Variants in WNT9B observed in about 807,000 individuals in gnomAD.
The protein encoded by WNT9B is Wnt family member 9B.
In WNT9B, 12 loss-of-function variants were observed where a neutral mutation model predicts 30.2. That is an observed-to-expected ratio of 0.40 (90% CI 0.26 to 0.64). The LOEUF (loss-of-function observed/expected upper bound fraction) is 0.64, where lower values mean the gene tolerates loss of function less well. WNT9B is among the 30% of genes least tolerant of loss of function. The pLI is 0.42. For missense variants in WNT9B, 442 were observed against 485.2 expected (o/e 0.91, Z 0.84); for synonymous variants, 218 against 216.9 (o/e 1.01, Z -0.05).
At chr17:46,835,875 T>A (rs1481650845) in intron 1 of WNT9B, among the ~76,000 whole-genome samples, 2 of 152,202 alleles carry the variant, frequency 1.3e-5, no homozygotes, top group Non-Finnish European at 2.9e-5. Flanking sequence ...TGAGCTACCT[T>A]CACTAAAGAA....
intron 1 of WNT9B, among the ~76,000 whole-genome samples, chr17:46,854,052 G>C (rs2084899578): frequency 6.6e-6 from 1 of 152,170 alleles, no homozygotes; most frequent in African/African-American, 2.4e-5. Context: ...CAGGAGCCCA[G>C]CTGGAAAGAG....
At chr17:46,873,688 G>A (rs1272340404) in intron 2 of WNT9B, among the ~76,000 whole-genome samples, 4 of 152,036 alleles carry the variant, frequency 2.6e-5, no homozygotes, top group Non-Finnish European at 4.4e-5. Flanking sequence ...ATGAAACCCC[G>A]TCTCTACTAA....
At chr17:46,862,879 C>CCA (rs1191444892) in intron 1 of WNT9B, among the ~76,000 whole-genome samples, 1 of 152,224 alleles carries the variant, frequency 6.6e-6, no homozygotes, top group East Asian at 1.9e-4. Flanking sequence ...CCACTGTGTA[C>CCA]CAGGCCTAAG....
At chr17:46,866,378 G>A (rs570557223) in intron 1 of WNT9B, among the ~76,000 whole-genome samples, 113 of 152,054 alleles carry the variant, frequency 7.4e-4, no homozygotes, top group African/African-American at 2.0e-3. Context: ...GTGTATGTGC[G>A]TGAGAATGTG....
intron 1 of WNT9B, among the ~76,000 whole-genome samples, chr17:46,845,158 CT>C (rs1266408235): frequency 1.3e-5 from 2 of 152,154 alleles, no homozygotes; most frequent in Non-Finnish European, 2.9e-5. Context: ...CTCCTTCCTC[CT>C]TCTTTTGAGC....
downstream of WNT9B, among the ~76,000 whole-genome samples, chr17:46,883,371 G>A (rs559501456): frequency 1.3e-5 from 2 of 148,674 alleles, no homozygotes; most frequent in African/African-American, 5.0e-5. Context: ...TACAACCTCC[G>A]CCTCCCGGGT....
chr17:46,856,193 C>T (rs2084935199), intron 1 of WNT9B, among the ~76,000 whole-genome samples: 4 of 152,208 alleles, frequency 2.6e-5, no homozygotes, highest in Admixed American at 2.6e-4. Context: ...CTGTTGCTAA[C>T]TGTGTGACTT....
chr17:46,862,179 A>G (rs868010297), intron 1 of WNT9B, among the ~76,000 whole-genome samples: 2,708 of 150,308 alleles, frequency 0.018, 82 homozygotes, highest in African/African-American at 0.063. Context: ...AAAAAAAAAA[A>G]GAAAAAGAAA....
intron 1 of WNT9B, among the ~76,000 whole-genome samples, chr17:46,855,329 T>C (rs1416843875): frequency 6.6e-6 from 1 of 152,196 alleles, no homozygotes; most frequent in Non-Finnish European, 1.5e-5. Context: ...CTGTCCTCAG[T>C]AGTGAGACGG....
intron 1 of WNT9B, among the ~76,000 whole-genome samples, chr17:46,871,120 G>A (rs2085237121): frequency 6.6e-6 from 1 of 151,786 alleles, no homozygotes; most frequent in Non-Finnish European, 1.5e-5. Context: ...TGTCACACAG[G>A]CTGCTCTCAA....
At chr17:46,850,506 G>A (rs988623727), upstream of WNT9B, among the ~76,000 whole-genome samples, 5 of 152,252 alleles carry the variant, frequency 3.3e-5, no homozygotes, top group Admixed American at 6.5e-5. Context: ...AGCCAAGGTC[G>A]CAGTCACTTG....
intron 2 of WNT9B, among the ~76,000 whole-genome samples, chr17:46,873,160 A>G (rs975439690): frequency 6.6e-6 from 1 of 151,480 alleles, no homozygotes; most frequent in African/African-American, 2.4e-5. Context: ...AGACGTGAGG[A>G]TGGGCGGCAG....
chr17:46,849,281 A>T (rs756487562), upstream of WNT9B, among the ~76,000 whole-genome samples: 20 of 152,238 alleles, frequency 1.3e-4, no homozygotes, highest in African/African-American at 4.6e-4. Flanking sequence ...AGGCTTACCC[A>T]TCAGACATCA....
upstream of WNT9B, among the ~76,000 whole-genome samples, chr17:46,849,848 TC>T (rs1477408079): frequency 7.2e-6 from 1 of 137,960 alleles, no homozygotes; most frequent in Non-Finnish European, 1.5e-5. Flanking sequence ...GCATTTAATA[TC>T]TTTTTTTTTT....
Position 46,875,171 on chromosome 17 carries a change from C to A in WNT9B, c.405C>A (p.Cys135Ter). The A allele has an allele frequency of 6.2e-7, 1 of 1,614,032 alleles. No individual in the cohort carries two copies. The highest frequency in any genetic ancestry group is 1.1e-5 in the South Asian group (1 of 91,076). The change falls in exon 3 of 4, where the codon TGC becomes TGA. Residue 135 changes from cysteine to a stop codon, truncating the protein, a stop_gained. Transcript: ENST00000290015. LOFTEE classifies it high-confidence loss of function. ...TCACCCACACCCTGGCCCGGGCCTG[C>A]AGCGCTGGGCGCATGGAGCGCTGCA... is the stretch of plus-strand genomic sequence containing the variant. The part of the protein sequence containing the change: ...AALTHTLARA[C>*]SAGRMERCTC...
At chr17:46,835,305 G>A (rs946321646) in intron 1 of WNT9B, among the ~76,000 whole-genome samples, 19 of 152,044 alleles carry the variant, frequency 1.2e-4, no homozygotes, top group Non-Finnish European at 2.2e-4. Flanking sequence ...TCCGCCTCCC[G>A]GGTTCACGCC....
chr17:46,875,494 A>G, intron 3 of WNT9B, 128 bp downstream of exon 3: 1 of 1,297,124 alleles, frequency 7.7e-7, no homozygotes, highest in South Asian at 1.6e-5. Context: ...TAAAGGCAGG[A>G]TGAACTTCAC....
At chr17:46,855,710 T>C (rs558829630) in intron 1 of WNT9B, among the ~76,000 whole-genome samples, 1 of 152,350 alleles carries the variant, frequency 6.6e-6, no homozygotes, top group South Asian at 2.1e-4. Flanking sequence ...ATTTATTTAT[T>C]TATTTAGAGA....
intron 1 of WNT9B, among the ~76,000 whole-genome samples, chr17:46,858,124 T>C (rs747396313): frequency 6.6e-6 from 1 of 152,174 alleles, no homozygotes; most frequent in Non-Finnish European, 1.5e-5. Flanking sequence ...GAGATAAGGT[T>C]TCATCATGTT....
Sources: allele counts gnomAD v4.1 joint callset (sites outside exome capture counted in the v4.1 genomes callset), GRCh38; gene constraint gnomAD v4.1.1; transcripts MANE v1.5; gene names NCBI Gene and HGNC (gene_info 2026-07-23, HGNC 2026-07-21).